Variants in GTF2F2 observed in about 807,000 individuals in gnomAD.
The protein encoded by GTF2F2 is ATP-dependent helicase GTF2F2.
In GTF2F2, 23 loss-of-function variants were observed where a neutral mutation model predicts 42.2. That is an observed-to-expected ratio of 0.55 (90% confidence interval 0.39 to 0.77). The LOEUF (loss-of-function observed/expected upper bound fraction) is 0.77. Among genes scored for constraint, GTF2F2 ranks in the 30% least tolerant of loss-of-function variants. The probability of loss-of-function intolerance (pLI) is 0.00; values close to 1 mark genes in which losing one functional copy is unlikely to be tolerated. For synonymous variants in GTF2F2, 105 were observed against 100.8 expected (o/e 1.04, Z -0.25); for missense variants, 261 against 287.2 (o/e 0.91, Z 0.66).
At position 45,188,908 on chromosome 13, in the gene GTF2F2, CT is replaced by C. The variant is rs879675045; in HGVS notation, c.305-18503del. Among the ~76,000 whole-genome samples the C allele has an allele frequency of 7.2e-3, 1,033 of 144,132 alleles. 6 individuals are homozygous for C. Among genetic ancestry groups the C allele is most frequent in the Middle Eastern group, 0.019 (5 of 268 alleles). The allele number at this position is 144,132 out of a possible 152,430, so 94.6% of individuals were successfully genotyped here. ...TTACTGTTGTGAGATGGATGATTCA[CT>C]TTTTTTTTTTTTAATTTAAGTTCTA... On this transcript the variant is annotated intron_variant, in intron 4 of 7. Transcript: ENST00000340473.
At chr13:45,272,771 C>CG (rs202067970) in intron 7 of GTF2F2, among the ~76,000 whole-genome samples, 146,800 of 146,814 alleles carry the variant, frequency 1, 73,393 homozygotes, top group Middle Eastern at 1. Flanking sequence ...GACAAGGTCT[C>CG]CTGCTGCCAC....
intron 2 of GTF2F2, among the ~76,000 whole-genome samples, chr13:45,145,189 C>T (rs1201984445): frequency 2.6e-5 from 4 of 152,166 alleles, no homozygotes; most frequent in Admixed American, 2.6e-4. Context: ...CCATCAACTG[C>T]TAGGAACTTA....
chr13:45,262,166 G>A (rs1262366365), intron 6 of GTF2F2, among the ~76,000 whole-genome samples: 1 of 152,130 alleles, frequency 6.6e-6, no homozygotes, highest in Non-Finnish European at 1.5e-5. Context: ...GAAGCCAGGA[G>A]TTTGAGACCA....
At chr13:45,242,702 T>A (rs369418444) in intron 5 of GTF2F2, among the ~76,000 whole-genome samples, 1 of 152,248 alleles carries the variant, frequency 6.6e-6, no homozygotes, top group African/African-American at 2.4e-5. Flanking sequence ...AATTATAGTA[T>A]TTGTTAATAT....
At position 45,174,637 on chromosome 13, in the gene GTF2F2, T is replaced by TTC. The variant is rs1317443806; in HGVS notation, c.304+22807_304+22808insCT. On this transcript the variant is annotated intron_variant, in intron 4 of 7. Coordinates refer to ENST00000340473, the MANE Select transcript of GTF2F2 (RefSeq NM_004128.3). ...ATGGAGCACTGTTTTCTTTTTTCTTTTTTTTTTTTTTTTTTTTTAGAAATA... is the reference window on the plus strand; with the variant it reads ...ATGGAGCACTGTTTTCTTTTTTCTTTTCTTTTTTTTTTTTTTTTTTAGAAATA... Among the ~76,000 whole-genome samples the TTC allele has an allele frequency of 6.6e-3, 678 of 102,508 alleles. 7 individuals are homozygous for TTC. The highest frequency in any genetic ancestry group is 0.02 in the African/African-American group (642 of 31,378). The allele number at this position is 102,508 out of a possible 152,430, so 67.2% of individuals were successfully genotyped here. A position where few individuals can be genotyped will look rare whatever the true frequency, so the allele number is the denominator to read the frequency against.
At chr13:45,192,232 A>G (rs1872688062) in intron 4 of GTF2F2, among the ~76,000 whole-genome samples, 1 of 152,180 alleles carries the variant, frequency 6.6e-6, no homozygotes, top group Non-Finnish European at 1.5e-5. Context: ...TAGTATATAT[A>G]AAAATATTAT....
intron 7 of GTF2F2, among the ~76,000 whole-genome samples, chr13:45,273,718 G>C (rs892771324): frequency 2.1e-5 from 3 of 145,092 alleles, no homozygotes; most frequent in African/African-American, 8.0e-5. Flanking sequence ...GCAATGGCGC[G>C]ATCTCGGCTC....
chr13:45,259,508 T>C (rs1278700849), intron 6 of GTF2F2, among the ~76,000 whole-genome samples: 1 of 152,132 alleles, frequency 6.6e-6, no homozygotes, highest in Non-Finnish European at 1.5e-5. Flanking sequence ...TCTTAAGTTT[T>C]TAAGCTTCTT....
At chr13:45,155,744 A>G (rs1051989670) in intron 4 of GTF2F2, among the ~76,000 whole-genome samples, 2 of 151,966 alleles carry the variant, frequency 1.3e-5, no homozygotes, top group African/African-American at 4.8e-5. Flanking sequence ...GCTTTCCTCT[A>G]TGAAATTCAA....
At chr13:45,165,329 A>ATTTT (rs201519443) in intron 4 of GTF2F2, among the ~76,000 whole-genome samples, 7 of 129,722 alleles carry the variant, frequency 5.4e-5, no homozygotes, top group African/African-American at 2.1e-4. Context: ...ATATATATAT[A>ATTTT]TATTTTTTTT....
intron 6 of GTF2F2, among the ~76,000 whole-genome samples, chr13:45,259,807 G>A (rs1029810336): frequency 4.0e-5 from 6 of 151,802 alleles, no homozygotes; most frequent in Non-Finnish European, 5.9e-5. Flanking sequence ...ACAGGCGCCC[G>A]CCACCACACC....
At chr13:45,250,051 C>CT (rs780347641) in intron 5 of GTF2F2, among the ~76,000 whole-genome samples, 7,603 of 100,816 alleles carry the variant, frequency 0.075, 652 homozygotes, top group African/African-American at 0.18. Context: ...TGCCTTATCT[C>CT]TTTTTTTTTT....
At chr13:45,179,849 T>C (rs1248329202) in intron 4 of GTF2F2, among the ~76,000 whole-genome samples, 1 of 152,242 alleles carries the variant, frequency 6.6e-6, no homozygotes, top group African/African-American at 2.4e-5. Context: ...GTTAATTTAC[T>C]CGAAATAACA....
At chr13:45,134,299 G>T (rs1012553436) in intron 1 of GTF2F2, among the ~76,000 whole-genome samples, 3 of 152,190 alleles carry the variant, frequency 2.0e-5, no homozygotes, top group African/African-American at 7.2e-5. Context: ...ACACACCCTT[G>T]TCAGCTTGAT....
chr13:45,167,931 A>AG (rs1159739234), intron 4 of GTF2F2, among the ~76,000 whole-genome samples: 1 of 152,152 alleles, frequency 6.6e-6, no homozygotes, highest in Non-Finnish European at 1.5e-5. Flanking sequence ...CTGTTGATAG[A>AG]GGGAAAAAAA....
chr13:45,156,627 C>G (rs911641547), intron 4 of GTF2F2, among the ~76,000 whole-genome samples: 1 of 151,810 alleles, frequency 6.6e-6, no homozygotes, highest in Non-Finnish European at 1.5e-5. Context: ...GTAAGTCGAC[C>G]AGAATTAGAG....
At chr13:45,238,247 G>A (rs750739257) in intron 5 of GTF2F2, among the ~76,000 whole-genome samples, 38 of 152,002 alleles carry the variant, frequency 2.5e-4, no homozygotes, top group Non-Finnish European at 5.1e-4. Context: ...GAGCCACCAC[G>A]CCCGGCCTGA....
chr13:45,277,728 A>G (rs1227234463), intron 7 of GTF2F2, among the ~76,000 whole-genome samples: 1 of 152,262 alleles, frequency 6.6e-6, no homozygotes, highest in Non-Finnish European at 1.5e-5. Flanking sequence ...ATTCACACAA[A>G]AATCATGTAA....
At chr13:45,199,820 C>G (rs958998216) in intron 4 of GTF2F2, among the ~76,000 whole-genome samples, 1 of 152,146 alleles carries the variant, frequency 6.6e-6, no homozygotes, top group Non-Finnish European at 1.5e-5. Context: ...CGTATACTAG[C>G]GCCTGCCACT....
Sources: gnomAD v4.1 joint callset for allele counts (sites outside exome capture counted in the v4.1 genomes callset) on GRCh38, gnomAD v4.1.1 for gene constraint, MANE v1.5 for transcripts, NCBI Gene and HGNC (gene_info 2026-07-23, HGNC 2026-07-21) for gene names.